The following CLIP4 variants were observed in gnomAD, a reference collection of about 807,000 sequenced individuals.
CLIP4 encodes the protein CAP-Gly domain-containing linker protein 4.
A neutral mutation model predicts 73.1 loss-of-function variants in CLIP4; 47 were observed. That is an observed-to-expected ratio of 0.64 (90% CI 0.51 to 0.82). CLIP4 has a LOEUF of 0.82. Ranked by LOEUF, CLIP4 falls within the 40% of genes least tolerant of loss-of-function variation. The pLI, the probability that CLIP4 is intolerant of heterozygous loss-of-function variation, is 0.00. For synonymous variants in CLIP4, 306 were observed against 295.4 expected (o/e 1.04, Z -0.37); for missense variants, 874 against 852.9 (o/e 1.02, Z -0.31).
chr2:29,131,429 T>G, intron 3 of CLIP4, 32 bp downstream of exon 3: 3 of 1,569,658 alleles, frequency 1.9e-6, no homozygotes, highest in Non-Finnish European at 2.6e-6. Flanking sequence ...AGTTTTGCAT[T>G]GTTAGGATTG....
intron 1 of CLIP4, among the ~76,000 whole-genome samples, chr2:29,119,034 A>G (rs778668030): frequency 6.6e-6 from 1 of 152,208 alleles, no homozygotes; most frequent in Non-Finnish European, 1.5e-5. Context: ...ATAGGGGTAC[A>G]TAGTTTCCTT....
chr2:29,174,077 C>T (rs1345251721), intron 14 of CLIP4, among the ~76,000 whole-genome samples: 1 of 151,992 alleles, frequency 6.6e-6, no homozygotes, highest in African/African-American at 2.4e-5. Context: ...GTTAAGAAAT[C>T]TAAACTACCG....
intron 15 of CLIP4, among the ~76,000 whole-genome samples, chr2:29,178,553 A>G (rs897286357): frequency 8.6e-5 from 13 of 152,042 alleles, no homozygotes; most frequent in Non-Finnish European, 1.0e-4. Flanking sequence ...TCCCCTGTAT[A>G]TCGTGCTCAT....
intron 15 of CLIP4, chr2:29,174,823 C>G (rs1238911593): frequency 2.8e-6 from 1 of 358,988 alleles, no homozygotes; most frequent in African/African-American, 2.2e-5. Context: ...AAGGCGTAAT[C>G]TTGCAGTTAT....
In CLIP4 at chr2:29,135,408, G is replaced by A. The variant is rs1665280616; in HGVS notation, c.530-140G>A. On this transcript the variant is annotated intron_variant, in intron 5 of 15. Coordinates refer to ENST00000320081, the MANE Select transcript of CLIP4 (RefSeq NM_024692.6). Reference sequence around the variant, plus strand: ...GATTGTAATATAAAGATTTTGTTCTGTTGTGAAATCATGCCTCTAGTGGGT... The same window carrying A: ...GATTGTAATATAAAGATTTTGTTCTATTGTGAAATCATGCCTCTAGTGGGT... 8.4e-6 allele frequency: 4 copies of A among 476,112 alleles called. No individual in the cohort carries two copies. In the East Asian group the frequency reaches 1.0e-4, roughly 12 times the overall value. 29.5% of individuals were successfully genotyped at this position (476,112 alleles called of 1,614,324 possible).
chr2:29,137,126 C>T (rs547590140), intron 6 of CLIP4, among the ~76,000 whole-genome samples: 4 of 151,840 alleles, frequency 2.6e-5, no homozygotes, highest in East Asian at 1.9e-4. Context: ...CTGTTGACGC[C>T]GTCACCCAAA....
At chr2:29,098,564 T>C (rs1667945576) in intron 1 of CLIP4, among the ~76,000 whole-genome samples, 1 of 152,256 alleles carries the variant, frequency 6.6e-6, no homozygotes, top group Non-Finnish European at 1.5e-5. Context: ...TATCACTGAA[T>C]AATATTCCCT....
At chr2:29,149,728 TAA>T (rs10532407) in intron 8 of CLIP4, among the ~76,000 whole-genome samples, 24,042 of 144,366 alleles carry the variant, frequency 0.17, 2,413 homozygotes, top group Middle Eastern at 0.27. Flanking sequence ...CTTTGGCTAA[TAA>T]AAAAAAAAAA....
intron 7 of CLIP4, among the ~76,000 whole-genome samples, chr2:29,144,526 G>GT (rs1379261761): frequency 6.6e-6 from 1 of 151,824 alleles, no homozygotes; most frequent in African/African-American, 2.4e-5. Context: ...AGGTTTTCTT[G>GT]TTTTTTCTTT....
intron 1 of CLIP4, chr2:29,118,208 C>G (rs540944824): frequency 6.6e-6 from 1 of 152,292 alleles, no homozygotes; most frequent in South Asian, 2.1e-4. Flanking sequence ...ACTCTTGAAC[C>G]ATATCTCAAA....
chr2:29,132,896 G>A (rs985269358), intron 4 of CLIP4, among the ~76,000 whole-genome samples: 1 of 151,952 alleles, frequency 6.6e-6, no homozygotes, highest in Non-Finnish European at 1.5e-5. Flanking sequence ...TTTTCAAATG[G>A]CATAAAACTG....
chr2:29,114,689 T>G (rs1558508815), upstream of CLIP4, among the ~76,000 whole-genome samples: 1 of 152,202 alleles, frequency 6.6e-6, no homozygotes. Flanking sequence ...GCAGAGACAC[T>G]GACAGACGTT....
At chr2:29,125,950 G>A (rs913398945) in intron 2 of CLIP4, among the ~76,000 whole-genome samples, 1 of 152,306 alleles carries the variant, frequency 6.6e-6, no homozygotes, top group African/African-American at 2.4e-5. Flanking sequence ...TGAGGCAGGT[G>A]GATCACCTGA....
intron 11 of CLIP4, 93 bp downstream of exon 11, chr2:29,157,440 C>A: frequency 1.9e-6 from 3 of 1,595,732 alleles, no homozygotes; most frequent in Non-Finnish European, 2.6e-6. Context: ...GTAGAAGGAA[C>A]CCTTTACTTC....
At chr2:29,154,763 T>G (rs972151356) in intron 9 of CLIP4, among the ~76,000 whole-genome samples, 2 of 152,152 alleles carry the variant, frequency 1.3e-5, no homozygotes, top group African/African-American at 4.8e-5. Context: ...AGACCACTGC[T>G]TGGGTCCCAG....
intron 8 of CLIP4, among the ~76,000 whole-genome samples, chr2:29,147,156 T>G (rs1410013519): frequency 1.3e-5 from 2 of 152,140 alleles, no homozygotes; most frequent in Non-Finnish European, 2.9e-5. Context: ...TTTTTCCAAT[T>G]TGACAGATGA....
chr2:29,099,008 C>T (rs80165280), intron 1 of CLIP4, among the ~76,000 whole-genome samples: 18,599 of 152,244 alleles, frequency 0.12, 1,537 homozygotes, highest in Middle Eastern at 0.24. Context: ...TGTATATCTT[C>T]TTTGGTGAGG....
chr2:29,174,296 G>T lies in CLIP4; in HGVS notation c.1724-77G>T. ...TTAATATAATAGAACATCTACAGAA[G>T]AAGTGATAAAATATCATTTTAAATA... On this transcript the variant is annotated intron_variant, in intron 14 of 15. Coordinates refer to ENST00000320081, the MANE Select transcript of CLIP4 (RefSeq NM_024692.6). 3 of 1,182,486 alleles carry T rather than the reference G, an allele frequency of 2.5e-6. No individual in the cohort carries two copies. The South Asian group carries it at 4.2e-5, about 16-fold the overall frequency. 73.2% of individuals were successfully genotyped at this position (1,182,486 alleles called of 1,614,324 possible).
chr2:29,156,921 A>G (rs1470873451), intron 10 of CLIP4, among the ~76,000 whole-genome samples: 2 of 152,172 alleles, frequency 1.3e-5, no homozygotes, highest in African/African-American at 2.4e-5. Context: ...ACTGATGGTC[A>G]TTAGATTAGG....
Sources: allele counts gnomAD v4.1 joint callset (sites outside exome capture counted in the v4.1 genomes callset), GRCh38; gene constraint gnomAD v4.1.1; transcripts MANE v1.5; gene names NCBI Gene and HGNC (gene_info 2026-07-23, HGNC 2026-07-21).